CREBBP: variants seen among roughly 807,000 people sequenced by gnomAD.
CREBBP encodes CREB-binding protein.
In CREBBP, 19 loss-of-function variants were observed where a neutral mutation model predicts 265.0. The observed-to-expected ratio is 0.07, with a 90% CI of 0.05 to 0.11. The LOEUF (loss-of-function observed/expected upper bound fraction) is 0.11. CREBBP is among the 10% of genes least tolerant of loss of function. CREBBP has a pLI of 1.00. For missense variants in CREBBP, 2,525 were observed against 3,219.0 expected (o/e 0.78, Z 5.22); for synonymous variants, 1,457 against 1,223.7 (o/e 1.19, Z -3.98).
At chr16:3,736,861 C>T (rs770439583) in intron 26 of CREBBP, 46 bp from the exon 27 acceptor site, 80 of 1,611,332 alleles carry the variant, frequency 5.0e-5, no homozygotes, top group East Asian at 1.8e-4. Context: ...CCAGTGAAAT[C>T]GGCCCTGCCT....
chr16:3,728,023 G>A lies in CREBBP; in HGVS notation c.7024C>T (p.Gln2342Ter), dbSNP rs377597272. The change falls in exon 31 of 31, where the codon CAG becomes TAG. Residue 2342 changes from glutamine to a stop codon, truncating the protein, a stop_gained. Transcript: ENST00000262367. LOFTEE classifies it high-confidence loss of function. This position sits in a 1 kb window ranked among gnomAD's most constrained non-coding sequence, Gnocchi z 8.7. ...GQQIATSLSN[Q>*]VRSPAPVQSP... ...TGGACAGGGGCTGGAGACCGCACCT[G>A]GTTACTAAGGGACGTGGCGATCTGC... 6.2e-7 allele frequency: 1 copy of A among 1,611,394 alleles called. No individual in the cohort carries two copies. The highest frequency in any genetic ancestry group is 8.5e-7 in the Non-Finnish European group (1 of 1,177,966).
chr16:3,812,029 C>A (rs527269803), intron 2 of CREBBP, among the ~76,000 whole-genome samples: 17 of 152,030 alleles, frequency 1.1e-4, no homozygotes, highest in Admixed American at 3.3e-4. Context: ...TTAAGGGTCA[C>A]CTCTAATCCA....
At chr16:3,849,423 GTGTGT>G (rs2054746232) in intron 2 of CREBBP, among the ~76,000 whole-genome samples, 9 of 9,852 alleles carry the variant, frequency 9.1e-4, no homozygotes, top group Non-Finnish European at 1.7e-3. Context: ...GTGTGTGTGT[GTGTGT>G]GTGTGTGTGT....
intron 1 of CREBBP, among the ~76,000 whole-genome samples, chr16:3,872,831 A>G (rs1264945951): frequency 6.6e-6 from 1 of 151,978 alleles, no homozygotes; most frequent in African/African-American, 2.4e-5. Context: ...GGCTTCCCCA[A>G]CTCCTGGCTC....
At chr16:3,762,397 G>A (rs12102673) in intron 16 of CREBBP, among the ~76,000 whole-genome samples, 1 of 132,082 alleles carries the variant, frequency 7.6e-6, no homozygotes, top group East Asian at 2.1e-4. Flanking sequence ...GGAGTCTCGC[G>A]CTGTCACCCA....
intron 16 of CREBBP, among the ~76,000 whole-genome samples, chr16:3,764,077 C>A (rs1273082423): frequency 1.3e-5 from 2 of 152,216 alleles, no homozygotes; most frequent in African/African-American, 2.4e-5. Context: ...CACACTGCTG[C>A]TGCTGTACAG....
At chr16:3,778,283 C>T (rs980678737) in intron 9 of CREBBP, 101 bp from the exon 10 acceptor site, 1 of 981,156 alleles carries the variant, frequency 1.0e-6, no homozygotes, top group Non-Finnish European at 1.6e-6. Flanking sequence ...TCATTGAGTA[C>T]ACTGGCAAAA....
chr16:3,778,332 C>A, intron 9 of CREBBP, 150 bp from the exon 10 acceptor site: 1 of 679,330 alleles, frequency 1.5e-6, no homozygotes, highest in Non-Finnish European at 2.5e-6. Flanking sequence ...AGCCCACATT[C>A]TTGCTGAATT....
chr16:3,780,138 A>C (rs1006418738), intron 8 of CREBBP, among the ~76,000 whole-genome samples: 2 of 149,328 alleles, frequency 1.3e-5, no homozygotes, highest in Admixed American at 6.7e-5. Context: ...GGTACTCGGG[A>C]GGCTGAGGCA....
chr16:3,796,537 C>A (rs1333225586), intron 3 of CREBBP, among the ~76,000 whole-genome samples: 3 of 152,148 alleles, frequency 2.0e-5, no homozygotes, highest in Non-Finnish European at 4.4e-5. Flanking sequence ...CAGATGCCCA[C>A]CACCACGCCT....
intron 2 of CREBBP, among the ~76,000 whole-genome samples, chr16:3,835,031 G>A (rs1460296650): frequency 6.6e-6 from 1 of 152,060 alleles, no homozygotes; most frequent in Non-Finnish European, 1.5e-5. Context: ...GGTGGCAGGC[G>A]CCTGTAGTTC....
chr16:3,788,466 T>C (rs1227232290), intron 5 of CREBBP, among the ~76,000 whole-genome samples: 1 of 152,210 alleles, frequency 6.6e-6, no homozygotes, highest in East Asian at 1.9e-4. Context: ...GAGGGGAACC[T>C]GCTCACGGGT....
intron 5 of CREBBP, among the ~76,000 whole-genome samples, chr16:3,783,448 C>T (rs530072034): frequency 8.5e-5 from 13 of 152,346 alleles, no homozygotes; most frequent in African/African-American, 2.9e-4. Flanking sequence ...CTATAATGTG[C>T]TCTTCCAAAT....
At chr16:3,756,615 C>T (rs2052592209) in intron 19 of CREBBP, among the ~76,000 whole-genome samples, 1 of 152,178 alleles carries the variant, frequency 6.6e-6, no homozygotes, top group Admixed American at 6.5e-5. Context: ...TCAATTAAAA[C>T]ACCAGATCTC....
chr16:3,862,310 T>C (rs2055093322), intron 1 of CREBBP, among the ~76,000 whole-genome samples: 2 of 152,062 alleles, frequency 1.3e-5, no homozygotes, highest in Non-Finnish European at 2.9e-5. Context: ...ATGGCTGCTC[T>C]GCTGTGGGGA....
At chr16:3,732,648 T>C (rs902079108) in intron 28 of CREBBP, among the ~76,000 whole-genome samples, 2 of 152,134 alleles carry the variant, frequency 1.3e-5, no homozygotes, top group African/African-American at 4.8e-5. Flanking sequence ...GTGATTCTCC[T>C]GCCTCAGCCT....
intron 1 of CREBBP, among the ~76,000 whole-genome samples, chr16:3,865,388 T>G (rs1160746983): frequency 1.3e-5 from 2 of 152,150 alleles, no homozygotes; most frequent in African/African-American, 2.4e-5. Context: ...TAGACAACTG[T>G]AAGAAGACAA....
In CREBBP at chr16:3,760,391, G is replaced by GTTTTT. The variant is rs35861892; in HGVS notation, c.3251-1424_3251-1420dup. ...ACGGGCACTAAGCTATCATGCCCAG[G>GTTTTT]TTTTTTTTTTTTTTTTTTTTTTTTT... On this transcript the variant is annotated intron_variant, in intron 16 of 30. Transcript: ENST00000262367. Among the ~76,000 whole-genome samples the GTTTTT allele has an allele frequency of 4.6e-4, 35 of 75,950 alleles. 2 individuals are homozygous for GTTTTT. The highest frequency in any genetic ancestry group is 1.6e-3 in the African/African-American group (32 of 20,004). 49.8% of individuals were successfully genotyped at this position (75,950 alleles called of 152,430 possible).
chr16:3,731,300 C>T lies in CREBBP; in HGVS notation c.5064G>A (p.Thr1688=), dbSNP rs972733992. Residue 1688 remains threonine, a synonymous_variant, in exon 30 of 31, where the codon ACG becomes ACA. Coordinates refer to ENST00000262367, the MANE Select transcript of CREBBP (RefSeq NM_004380.3). The surrounding 1 kb of genome is among the most constrained non-coding windows in gnomAD (Gnocchi z 7.7). ...TGTGCAGCTCCACCAGCATGCAGAG[C>T]GTGGACCACTTGGAGCGGCGCAAGG... ...FSSLRRSKWS[T]LCMLVELHTQ... is the part of the protein sequence containing the mutation. 12 of 1,614,190 alleles carry T rather than the reference C, an allele frequency of 7.4e-6. No homozygotes were observed. The highest frequency in any genetic ancestry group is 6.6e-5 in the South Asian group (6 of 91,072).
Sources: gnomAD v4.1 joint callset for allele counts (sites outside exome capture counted in the v4.1 genomes callset) on GRCh38, gnomAD v4.1.1 for gene constraint, Gnocchi (gnomAD v3.1) non-coding constraint, MANE v1.5 for transcripts, NCBI Gene and HGNC (gene_info 2026-07-23, HGNC 2026-07-21) for gene names.